TFEC: variants seen among roughly 807,000 people sequenced by gnomAD.
The protein encoded by TFEC is transcription factor EC.
Under a neutral mutation model 41.6 loss-of-function variants are expected in TFEC, and 31 were observed. The observed-to-expected ratio is 0.74, with a 90% confidence interval of 0.56 to 1.01. The LOEUF (loss-of-function observed/expected upper bound fraction) is 1.01. TFEC is among the 50% of genes least tolerant of loss of function. The pLI is 0.00. For missense variants in TFEC, 402 were observed against 404.1 expected (o/e 0.99, Z 0.04); for synonymous variants, 143 against 140.6 (o/e 1.02, Z -0.12).
chr7:116,034,726 G>T (rs1290625440), upstream of TFEC, among the ~76,000 whole-genome samples: 1 of 151,248 alleles, frequency 6.6e-6, no homozygotes, highest in East Asian at 2.0e-4. Context: ...CAACCAGAGT[G>T]GTTCTCTTAA....
chr7:115,963,361 T>G (rs980398358), intron 3 of TFEC, among the ~76,000 whole-genome samples: 2 of 151,712 alleles, frequency 1.3e-5, no homozygotes, highest in Non-Finnish European at 2.9e-5. Context: ...GTGCAGCCAT[T>G]GTGGAAAGAA....
At chr7:115,971,741 A>C (rs1000782079) in intron 3 of TFEC, among the ~76,000 whole-genome samples, 1 of 152,068 alleles carries the variant, frequency 6.6e-6, no homozygotes, top group Admixed American at 6.6e-5. Context: ...GGATGTCTGA[A>C]AAAAAACTAG....
chr7:116,136,045 C>A (rs900905513), intron 1 of TFEC, among the ~76,000 whole-genome samples: 2 of 151,872 alleles, frequency 1.3e-5, no homozygotes, highest in African/African-American at 4.8e-5. Context: ...TTTTCCATAC[C>A]TCTACACTTT....
chr7:116,040,670 T>C (rs1029377362), intron 3 of TFEC, among the ~76,000 whole-genome samples: 3 of 152,172 alleles, frequency 2.0e-5, no homozygotes, highest in African/African-American at 7.2e-5. Context: ...ACACTGAACC[T>C]GGCAAATGCA....
intron 1 of TFEC, among the ~76,000 whole-genome samples, chr7:116,137,511 T>C (rs1012324820): frequency 1.3e-5 from 2 of 152,174 alleles, no homozygotes; most frequent in Non-Finnish European, 2.9e-5. Context: ...AGCTATTTTA[T>C]GTCTTTGAGT....
chr7:116,153,656 C>T (rs1238790547), intron 1 of TFEC, among the ~76,000 whole-genome samples: 1 of 148,678 alleles, frequency 6.7e-6, no homozygotes, highest in African/African-American at 2.5e-5. Flanking sequence ...AATAATTGGA[C>T]AAAGAGGAAA....
At chr7:115,968,799 G>A (rs1792993820) in intron 3 of TFEC, among the ~76,000 whole-genome samples, 1 of 151,858 alleles carries the variant, frequency 6.6e-6, no homozygotes, top group Non-Finnish European at 1.5e-5. Context: ...TGCAGGGCTG[G>A]ATTCAAGGCC....
chr7:116,132,301 T>C (rs1416517431), intron 1 of TFEC, among the ~76,000 whole-genome samples: 1 of 152,246 alleles, frequency 6.6e-6, no homozygotes, highest in Non-Finnish European at 1.5e-5. Flanking sequence ...AAAAATGCTA[T>C]TTCTTAATGT....
intron 3 of TFEC, among the ~76,000 whole-genome samples, chr7:116,071,559 CCTA>C (rs1172770192): frequency 2.0e-5 from 3 of 151,212 alleles, no homozygotes; most frequent in African/African-American, 7.2e-5. Flanking sequence ...GAAAAATATT[CCTA>C]CTTTTTCTAA....
At chr7:116,156,679 T>A (rs1263104333) in intron 1 of TFEC, among the ~76,000 whole-genome samples, 1 of 152,182 alleles carries the variant, frequency 6.6e-6, no homozygotes. Flanking sequence ...CTAGATGTAG[T>A]CTACAAATAT....
chr7:116,054,820 C>A (rs1178157134), intron 3 of TFEC, among the ~76,000 whole-genome samples: 1 of 152,084 alleles, frequency 6.6e-6, no homozygotes, highest in Non-Finnish European at 1.5e-5. Context: ...GTCTTACTTA[C>A]AGGCTGAACT....
intron 3 of TFEC, among the ~76,000 whole-genome samples, chr7:116,090,259 A>C (rs189862558): frequency 8.0e-4 from 122 of 152,238 alleles, no homozygotes; most frequent in African/African-American, 2.6e-3. Context: ...GCAACCAATT[A>C]GACTGATTGC....
intron 3 of TFEC, among the ~76,000 whole-genome samples, chr7:116,068,208 G>C (rs888773741): frequency 6.6e-6 from 1 of 151,786 alleles, no homozygotes; most frequent in Non-Finnish European, 1.5e-5. Flanking sequence ...CGGGGGTTGG[G>C]AGACTTGGAA....
intron 3 of TFEC, among the ~76,000 whole-genome samples, chr7:116,056,509 C>A (rs1796434206): frequency 6.6e-6 from 1 of 152,134 alleles, no homozygotes; most frequent in Admixed American, 6.6e-5. Flanking sequence ...GACCAGTTCT[C>A]ACACCAGGCC....
intron 1 of TFEC, among the ~76,000 whole-genome samples, chr7:116,150,209 T>C (rs1252788866): frequency 2.0e-5 from 3 of 152,170 alleles, no homozygotes; most frequent in Non-Finnish European, 4.4e-5. Context: ...ACTACTAGTC[T>C]TGTATTTCTT....
chr7:115,950,292 G>T (rs962369922), intron 6 of TFEC, among the ~76,000 whole-genome samples: 2 of 151,950 alleles, frequency 1.3e-5, no homozygotes, highest in African/African-American at 4.8e-5. Flanking sequence ...GATTACAGGC[G>T]TTCACATTTT....
chr7:116,099,000 T>C (rs1291461494), intron 3 of TFEC, among the ~76,000 whole-genome samples: 1 of 152,138 alleles, frequency 6.6e-6, no homozygotes, highest in Non-Finnish European at 1.5e-5. Context: ...AAATTGAATC[T>C]AGCAATGTAT....
intron 1 of TFEC, among the ~76,000 whole-genome samples, chr7:115,988,219 A>G (rs1793944706): frequency 6.6e-6 from 1 of 152,178 alleles, no homozygotes; most frequent in African/African-American, 2.4e-5. Context: ...TTGAAGAAGC[A>G]GAATAAGCAT....
chr7:115,982,377 C>T (rs1228646247), intron 2 of TFEC, among the ~76,000 whole-genome samples: 1 of 152,202 alleles, frequency 6.6e-6, no homozygotes, highest in Admixed American at 6.5e-5. Flanking sequence ...ACTATACTGA[C>T]TATATCCAAA....
Sources: gnomAD v4.1 joint callset for allele counts (sites outside exome capture counted in the v4.1 genomes callset) on GRCh38, gnomAD v4.1.1 for gene constraint, MANE v1.5 for transcripts, NCBI Gene and HGNC (gene_info 2026-07-23, HGNC 2026-07-21) for gene names.